The following DNAH3 variants were observed in gnomAD, a reference collection of about 807,000 sequenced individuals.
DNAH3 encodes axonemal beta dynein heavy chain 3.
Under a neutral mutation model 432.5 loss-of-function variants are expected in DNAH3, and 332 were observed. That is an observed-to-expected ratio of 0.77 (90% CI 0.70 to 0.84). DNAH3 has a LOEUF of 0.84. Ranked by LOEUF, DNAH3 falls within the 40% of genes least tolerant of loss-of-function variation. The probability of loss-of-function intolerance (pLI) is 0.00; values close to 1 mark genes in which losing one functional copy is unlikely to be tolerated. For synonymous variants in DNAH3, 1,956 were observed against 1,900.2 expected (o/e 1.03, Z -0.76); for missense variants, 4,861 against 5,114.0 (o/e 0.95, Z 1.51).
chr16:21,057,138 G>T (rs1250148437), intron 27 of DNAH3, among the ~76,000 whole-genome samples: 1 of 152,116 alleles, frequency 6.6e-6, no homozygotes, highest in Non-Finnish European at 1.5e-5. Context: ...ACAAATATTT[G>T]GTCAGGCATG....
Position 21,111,719 on chromosome 16 carries a change from G to A in DNAH3, c.2006C>T (p.Thr669Met), listed in dbSNP as rs755971290. 25 of 1,613,900 alleles carry A rather than the reference G, an allele frequency of 1.5e-5. No individual in the cohort carries two copies. The highest frequency in any genetic ancestry group is 2.2e-5 in the South Asian group (2 of 91,074). ...CTCACAGAGATCATGATTTAGGGCCGTAGCATCAAGGCAGAACATGGCTAA... is the reference window on the plus strand; with the variant it reads ...CTCACAGAGATCATGATTTAGGGCCATAGCATCAAGGCAGAACATGGCTAA... The change falls in exon 14 of 62, where the codon ACG becomes ATG. Residue 669 changes from threonine to methionine, a missense_variant. By Grantham distance (81) the Thr-to-Met change is moderately conservative (BLOSUM62 -1). Coordinates refer to ENST00000261383, the Ensembl canonical transcript of DNAH3.
chr16:20,980,405 C>T (rs1027420418), intron 49 of DNAH3, among the ~76,000 whole-genome samples: 5 of 137,118 alleles, frequency 3.6e-5, no homozygotes, highest in Non-Finnish European at 1.6e-5. Context: ...CAGGATTGCA[C>T]TCTGTCATCC....
intron 23 of DNAH3, among the ~76,000 whole-genome samples, chr16:21,067,729 G>A (rs1181581080): frequency 7.3e-6 from 1 of 137,392 alleles, no homozygotes; most frequent in Non-Finnish European, 1.6e-5. Context: ...GTTTCTCTGT[G>A]TGACGGAGTG....
chr16:21,096,602 G>T (rs1488925445), intron 18 of DNAH3, among the ~76,000 whole-genome samples: 1 of 152,038 alleles, frequency 6.6e-6, no homozygotes, highest in East Asian at 1.9e-4. Context: ...ATTCCCATTT[G>T]ATTGTTTCCA....
rs771208678 is a variant in DNAH3 at position 21,141,294 on chromosome 16, T to G, written c.521+6A>C. The G allele has an allele frequency of 6.3e-7, 1 of 1,579,546 alleles. No individual in the cohort carries two copies. Among genetic ancestry groups the G allele is most frequent in the South Asian group, 1.1e-5 (1 of 87,182 alleles). ...GCCTTCTCTGGTGCCCACAGTGATA[T>G]CTTACCTAGTGGAATCCTCTTTGTT... On this transcript the variant is annotated splice_donor_region_variant and intron_variant, in intron 4 of 61. Transcript: ENST00000261383.
intron 40 of DNAH3, among the ~76,000 whole-genome samples, chr16:21,021,406 C>T (rs2088212188): frequency 1.3e-5 from 2 of 152,156 alleles, no homozygotes; most frequent in Non-Finnish European, 2.9e-5. Context: ...TTACTACTCT[C>T]ATTATGTAAA....
In DNAH3 at chr16:21,098,540, A is replaced by G. The variant is rs1193111444; in HGVS notation, c.2520+76T>C. ...TCCACCTAGTAGATGCTATTAGGAA[A>G]TAGGAAATTCACAACCAAGGATCAG... is the stretch of plus-strand genomic sequence containing the variant. On this transcript the variant is annotated intron_variant, in intron 17 of 61. Coordinates refer to ENST00000261383, the Ensembl canonical transcript of DNAH3. 8.1e-6 allele frequency: 12 copies of G among 1,473,928 alleles called. No individual in the cohort carries two copies. The East Asian group carries it at 2.6e-4, about 31-fold the overall frequency. The allele number at this position is 1,473,928 out of a possible 1,614,324, so 91.3% of individuals were successfully genotyped here.
intron 21 of DNAH3, among the ~76,000 whole-genome samples, chr16:21,071,873 T>C (rs1157918837): frequency 6.6e-6 from 1 of 152,132 alleles, no homozygotes; most frequent in Non-Finnish European, 1.5e-5. Context: ...CTTTCCTGGC[T>C]CTCCTTTCCC....
chr16:21,092,698 C>CCAA (rs2091570853), intron 18 of DNAH3, among the ~76,000 whole-genome samples: 1 of 11,538 alleles, frequency 8.7e-5, no homozygotes, highest in Non-Finnish European at 1.6e-4. Context: ...AAAATATTTG[C>CCAA]AAAAAAAAAA....
chr16:21,115,476 G>A (rs1164705962), intron 12 of DNAH3, among the ~76,000 whole-genome samples: 9 of 151,946 alleles, frequency 5.9e-5, no homozygotes, highest in African/African-American at 2.2e-4. Context: ...GGAGGCCGAG[G>A]TGAGTGGATC....
intron 44 of DNAH3, among the ~76,000 whole-genome samples, chr16:20,990,854 CTA>C (rs1285205171): frequency 6.6e-6 from 1 of 151,972 alleles, no homozygotes; most frequent in Non-Finnish European, 1.5e-5. Context: ...ACCCCCATCT[CTA>C]TTAAAAATAC....
intron 5 of DNAH3, among the ~76,000 whole-genome samples, chr16:21,139,776 CTTTTTTTTT>C (rs71275930): frequency 2.3e-5 from 2 of 86,232 alleles, no homozygotes; most frequent in African/African-American, 4.9e-5. Flanking sequence ...CCACCTCATT[CTTTTTTTTT>C]TTTTTTTTTT....
intron 57 of DNAH3, among the ~76,000 whole-genome samples, chr16:20,948,035 CA>C (rs767446646): frequency 6.6e-6 from 1 of 152,216 alleles, no homozygotes; most frequent in Non-Finnish European, 1.5e-5. Flanking sequence ...CTCAGCCTCC[CA>C]AAGTGCTGAG....
At chr16:21,097,282 A>G (rs941434882) in intron 18 of DNAH3, 73 bp downstream of exon 18, 85 of 1,569,802 alleles carry the variant, frequency 5.4e-5, no homozygotes, top group African/African-American at 4.6e-4. Context: ...AGTGCAAACC[A>G]TATTTCAGAA....
At chr16:20,948,851 G>T (rs191190231) in intron 56 of DNAH3, among the ~76,000 whole-genome samples, 77 of 152,204 alleles carry the variant, frequency 5.1e-4, no homozygotes, top group Admixed American at 9.8e-4. Context: ...CCCAAAGTGA[G>T]AACTTACATC....
At chr16:21,118,936 C>A (rs1287059465) in intron 11 of DNAH3, among the ~76,000 whole-genome samples, 3 of 152,154 alleles carry the variant, frequency 2.0e-5, no homozygotes, top group Non-Finnish European at 4.4e-5. Flanking sequence ...CAGAAAAGGT[C>A]TTCAGAGTGT....
chr16:20,948,201 C>T (rs1490130300), intron 57 of DNAH3, among the ~76,000 whole-genome samples: 1 of 152,194 alleles, frequency 6.6e-6, no homozygotes, highest in East Asian at 1.9e-4. Flanking sequence ...TTCCATCTTG[C>T]TCACTTCCAA....
intron 52 of DNAH3, among the ~76,000 whole-genome samples, chr16:20,968,138 G>A (rs576277848): frequency 3.9e-5 from 6 of 152,228 alleles, no homozygotes; most frequent in South Asian, 4.1e-4. Flanking sequence ...GCAGGATCAC[G>A]GCTCACTGCA....
intron 20 of DNAH3, among the ~76,000 whole-genome samples, chr16:21,079,321 T>G (rs1030358621): frequency 6.6e-6 from 1 of 152,174 alleles, no homozygotes; most frequent in Non-Finnish European, 1.5e-5. Flanking sequence ...ACTAGGTTTT[T>G]GTGATGGATA....
Sources: allele counts gnomAD v4.1 joint callset (sites outside exome capture counted in the v4.1 genomes callset), GRCh38; gene constraint gnomAD v4.1.1; transcripts MANE v1.5; gene names NCBI Gene and HGNC (gene_info 2026-07-23, HGNC 2026-07-21).